The following TTLL5 variants were observed in gnomAD, a reference collection of about 807,000 sequenced individuals.
TTLL5 encodes tubulin polyglutamylase TTLL5.
Under a neutral mutation model 168.4 loss-of-function variants are expected in TTLL5, and 132 were observed. That is an observed-to-expected ratio of 0.78 (90% CI 0.68 to 0.91). The LOEUF is 0.91. Among genes scored for constraint, TTLL5 ranks in the 40% least tolerant of loss-of-function variants. TTLL5 has a pLI of 0.00. For synonymous variants in TTLL5, 546 were observed against 558.6 expected (o/e 0.98, Z 0.32); for missense variants, 1,545 against 1,581.5 (o/e 0.98, Z 0.39).
intron 31 of TTLL5, among the ~76,000 whole-genome samples, chr14:75,953,359 G>C (rs2035019290): frequency 6.6e-6 from 1 of 152,172 alleles, no homozygotes; most frequent in African/African-American, 2.4e-5. Context: ...GAAGATCCAA[G>C]TGTTTATGGC....
intron 27 of TTLL5, among the ~76,000 whole-genome samples, chr14:75,797,740 A>G (rs927443134): frequency 6.6e-6 from 1 of 152,274 alleles, no homozygotes; most frequent in East Asian, 1.9e-4. Flanking sequence ...ATGTTAAACC[A>G]TGCCCGCATC....
Position 75,783,612 on chromosome 14 carries a change from G to A in TTLL5, c.2986+82G>A, listed in dbSNP as rs147689946. 4.9e-5 allele frequency: 75 copies of A among 1,522,642 alleles called. No homozygotes were observed. The East Asian group carries it at 1.7e-3, about 34-fold the overall frequency. 94.3% of individuals were successfully genotyped at this position (1,522,642 alleles called of 1,614,324 possible). ...AGAAAGGATGTCATCTCTTCCCTTT[G>A]CCTTTTTTTAAATTTTGAAATGGAA... On this transcript the variant is annotated intron_variant, in intron 26 of 31. Coordinates refer to ENST00000298832, the MANE Select transcript of TTLL5 (RefSeq NM_015072.5).
chr14:75,822,963 A>G (rs1894916097), intron 28 of TTLL5, among the ~76,000 whole-genome samples: 3 of 152,208 alleles, frequency 2.0e-5, no homozygotes, highest in Admixed American at 2.0e-4. Flanking sequence ...TTGGCCAGCC[A>G]TCCCTCTGTT....
At chr14:75,808,200 T>G (rs1358743218) in intron 27 of TTLL5, among the ~76,000 whole-genome samples, 1 of 152,166 alleles carries the variant, frequency 6.6e-6, no homozygotes, top group African/African-American at 2.4e-5. Context: ...TCTGTCTGGA[T>G]TTTGGAACAC....
At position 75,863,828 on chromosome 14, in the gene TTLL5, G is replaced by A. The variant is rs557573661; in HGVS notation, c.3488G>A (p.Arg1163Gln). The change falls in exon 29 of 32, where the codon CGG (arginine) becomes CAG (glutamine). Residue 1163 changes from arginine (R) to glutamine (Q), a missense_variant. Physicochemically the swap from Arg to Gln is conservative, Grantham distance 43. Transcript: ENST00000298832. ...QQLEQQKLQS[R>Q]QLLDQSRARH... The stretch of plus-strand genomic sequence containing the variant: ...CTTGAACAACAAAAACTTCAGTCCC[G>A]GCAGCTCCTGGACCAGAGTCGAGCC... The A allele has an allele frequency of 2.2e-5, 34 of 1,578,934 alleles. No individual in the cohort carries two copies. The Middle Eastern group carries it at 5.2e-4, about 24-fold the overall frequency.
At chr14:75,833,383 AT>A (rs1895687710) in intron 28 of TTLL5, among the ~76,000 whole-genome samples, 1 of 152,220 alleles carries the variant, frequency 6.6e-6, no homozygotes, top group Non-Finnish European at 1.5e-5. Context: ...TTTTGGGACT[AT>A]CATATGGCCT....
Position 75,836,957 on chromosome 14 carries a change from G to A in TTLL5, c.3326+16796G>A, listed in dbSNP as rs376415462. Among the ~76,000 whole-genome samples, 28 of 152,260 alleles carry A rather than the reference G, an allele frequency of 1.8e-4. No homozygotes were observed. The East Asian group carries it at 4.0e-3, about 22-fold the overall frequency. ...CTTTTTAAAATTTATCAATGTGATT[G>A]CATTGGTTACCTATTGCAACAAAAC... On this transcript the variant is annotated intron_variant, in intron 28 of 31. Coordinates refer to ENST00000298832, the MANE Select transcript of TTLL5 (RefSeq NM_015072.5).
chr14:75,753,058 C>A, intron 18 of TTLL5, 103 bp downstream of exon 18: 2 of 1,148,080 alleles, frequency 1.7e-6, no homozygotes, highest in South Asian at 3.1e-5. Flanking sequence ...TATGTAAAAT[C>A]TCTGCTAGAA....
At chr14:75,944,454 C>T (rs1007227081) in intron 31 of TTLL5, among the ~76,000 whole-genome samples, 3 of 152,170 alleles carry the variant, frequency 2.0e-5, no homozygotes, top group East Asian at 1.9e-4. Flanking sequence ...CACCAACCCA[C>T]GGAGCCTCCC....
chr14:75,954,421 C>T lies in TTLL5; in HGVS notation c.3824-3C>T, dbSNP rs2035054337. 3 of 1,614,034 alleles carry T rather than the reference C, an allele frequency of 1.9e-6. No individual in the cohort carries two copies. The highest frequency in any genetic ancestry group is 2.5e-6 in the Non-Finnish European group (3 of 1,180,000). ...ATTTCATGGTTGCCTTTCTCTTTTT[C>T]AGATCCTGCTCACACTAAAATATGA... On this transcript the variant is annotated splice_polypyrimidine_tract_variant and splice_region_variant and intron_variant, in intron 31 of 31. Coordinates refer to ENST00000298832, the MANE Select transcript of TTLL5 (RefSeq NM_015072.5).
At chr14:75,825,198 C>G (rs1566620140) in intron 28 of TTLL5, among the ~76,000 whole-genome samples, 1 of 151,922 alleles carries the variant, frequency 6.6e-6, no homozygotes, top group African/African-American at 2.4e-5. Context: ...CTCTCAGTTC[C>G]CTTTCCAGAA....
rs369856390 is a variant in TTLL5, at chr14:75,699,252, C to T, written c.567C>T (p.Gly189=). The part of the protein sequence containing the change: ...VKPVASSRGR[G]VYLINNPNQI... ...CAGTGGCATCTTCAAGGGGGCGGGG[C>T]GTCTACCTGATCAACAATGTAAGTA... The change falls in exon 7 of 32, where the codon GGC becomes GGT. Residue 189 remains glycine (G), a synonymous_variant. Coordinates refer to ENST00000298832, the MANE Select transcript of TTLL5 (RefSeq NM_015072.5). 37 of 1,613,780 alleles carry T rather than the reference C, an allele frequency of 2.3e-5. No homozygotes were observed. The highest frequency in any genetic ancestry group is 9.3e-5 in the African/African-American group (7 of 74,880).
intron 18 of TTLL5, among the ~76,000 whole-genome samples, chr14:75,762,827 A>G (rs1186039794): frequency 6.6e-6 from 1 of 152,176 alleles, no homozygotes; most frequent in Non-Finnish European, 1.5e-5. Flanking sequence ...TTTTTTTCCT[A>G]AAGAATGGAG....
intron 17 of TTLL5, among the ~76,000 whole-genome samples, chr14:75,747,236 C>A (rs1294187913): frequency 6.6e-6 from 1 of 151,890 alleles, no homozygotes; most frequent in African/African-American, 2.4e-5. Flanking sequence ...GTGAAATTTT[C>A]ATTTCAGATA....
chr14:75,784,167 A>G (rs1359189891), intron 26 of TTLL5, among the ~76,000 whole-genome samples: 1 of 152,010 alleles, frequency 6.6e-6, no homozygotes, highest in African/African-American at 2.4e-5. Flanking sequence ...GAAACCCCAT[A>G]CCTGTTAGCA....
chr14:75,919,374 T>A (rs2033741758), intron 31 of TTLL5, among the ~76,000 whole-genome samples: 1 of 152,098 alleles, frequency 6.6e-6, no homozygotes, highest in African/African-American at 2.4e-5. Flanking sequence ...AAAAGGATTT[T>A]AATCTAATAG....
At chr14:75,774,326 T>A (rs1566598492) in intron 21 of TTLL5, among the ~76,000 whole-genome samples, 1 of 152,208 alleles carries the variant, frequency 6.6e-6, no homozygotes, top group Non-Finnish European at 1.5e-5. Context: ...ATTCTTTCTT[T>A]ACCTTAATAA....
intron 31 of TTLL5, among the ~76,000 whole-genome samples, chr14:75,912,348 G>A (rs1350954351): frequency 6.6e-6 from 1 of 152,228 alleles, no homozygotes; most frequent in Non-Finnish European, 1.5e-5. Flanking sequence ...TACTAGGGTA[G>A]TATGATTGTG....
intron 23 of TTLL5, among the ~76,000 whole-genome samples, chr14:75,779,229 A>G (rs1891902644): frequency 6.6e-6 from 1 of 152,240 alleles, no homozygotes; most frequent in Non-Finnish European, 1.5e-5. Flanking sequence ...GCTGTCCAAT[A>G]GAACTTTTTG....
Sources: allele counts gnomAD v4.1 joint callset (sites outside exome capture counted in the v4.1 genomes callset), GRCh38; gene constraint gnomAD v4.1.1; transcripts MANE v1.5; gene names NCBI Gene and HGNC (gene_info 2026-07-23, HGNC 2026-07-21).